Variants in FRMD4A observed in about 807,000 individuals in gnomAD.
FRMD4A encodes FERM domain containing 4A, also known as FERM domain-containing protein 4A.
In FRMD4A, 29 loss-of-function variants were observed where a neutral mutation model predicts 129.1. The ratio of observed to expected loss-of-function variants is 0.22; its 90% CI spans 0.17 to 0.31. The LOEUF (loss-of-function observed/expected upper bound fraction) is 0.31. FRMD4A is among the 10% of genes least tolerant of loss of function. The pLI is 1.00. For missense variants in FRMD4A, 1,272 were observed against 1,375.8 expected, an observed-to-expected ratio of 0.92 and a Z score of 1.19; for synonymous variants, 634 against 571.6, an observed-to-expected ratio of 1.11 and a Z score of -1.56.
chr10:14,290,029 C>T (rs900860506), intron 2 of FRMD4A, among the ~76,000 whole-genome samples: 28 of 151,888 alleles, frequency 1.8e-4, no homozygotes, highest in Admixed American at 6.6e-4. Context: ...AAATAAAATA[C>T]TAAGAAATAA....
At chr10:14,285,384 TG>T (rs1466099882) in intron 2 of FRMD4A, among the ~76,000 whole-genome samples, 2 of 152,202 alleles carry the variant, frequency 1.3e-5, no homozygotes, top group African/African-American at 4.8e-5. Flanking sequence ...AACACGAGCT[TG>T]AAAAGCAAAG....
intron 2 of FRMD4A, chr10:13,890,889 G>A: frequency 1.0e-6 from 1 of 981,488 alleles, no homozygotes; most frequent in Non-Finnish European, 1.2e-6. Flanking sequence ...AAATTTCGCA[G>A]AATACGCCTG....
chr10:13,831,346 G>A (rs2093787027), intron 3 of FRMD4A, among the ~76,000 whole-genome samples: 1 of 152,194 alleles, frequency 6.6e-6, no homozygotes, highest in Non-Finnish European at 1.5e-5. Flanking sequence ...ACTTTGGGAA[G>A]TTGAGGCAGG....
chr10:14,261,398 G>A (rs977649732), intron 2 of FRMD4A, among the ~76,000 whole-genome samples: 1 of 152,174 alleles, frequency 6.6e-6, no homozygotes, highest in Non-Finnish European at 1.5e-5. Context: ...TAACTAATCT[G>A]ACTGCTGTTG....
chr10:14,257,876 T>G (rs1168391903), intron 2 of FRMD4A, among the ~76,000 whole-genome samples: 2 of 152,224 alleles, frequency 1.3e-5, no homozygotes, highest in Non-Finnish European at 2.9e-5. Context: ...AGAAAACAAC[T>G]GTCTGCTGTG....
In FRMD4A at chr10:14,023,336, G is replaced by GA. The variant is rs112283737; in HGVS notation, c.46-164425dup. Among the ~76,000 whole-genome samples, 316 of 146,546 alleles carry GA rather than the reference G, an allele frequency of 2.2e-3. 1 individual carries two copies. Among genetic ancestry groups the GA allele is most frequent in the South Asian group, 0.011 (50 of 4,568 alleles). On this transcript the variant is annotated intron_variant, in intron 2 of 24. Coordinates refer to ENST00000357447, the MANE Select transcript of FRMD4A (RefSeq NM_018027.5). ...TGAAGACAAATTTTAAATTAATAAAGAAAAAAAAAAGCCTCAGACTCTCAC... is the reference window on the plus strand; with the variant it reads ...TGAAGACAAATTTTAAATTAATAAAGAAAAAAAAAAAGCCTCAGACTCTCAC...
intron 2 of FRMD4A, among the ~76,000 whole-genome samples, chr10:14,107,463 G>A (rs1361465159): frequency 6.6e-6 from 1 of 152,122 alleles, no homozygotes; most frequent in East Asian, 1.9e-4. Flanking sequence ...ATATTTAGGA[G>A]TTGTTTAAAG....
intron 2 of FRMD4A, among the ~76,000 whole-genome samples, chr10:14,320,799 A>G (rs536434887): frequency 6.6e-6 from 1 of 152,374 alleles, no homozygotes; most frequent in South Asian, 2.1e-4. Context: ...ATTACCAAAT[A>G]TATCGAGAAG....
intron 2 of FRMD4A, among the ~76,000 whole-genome samples, chr10:14,153,312 T>C (rs11258902): frequency 0.032 from 4,888 of 152,268 alleles, 94 homozygotes; most frequent in African/African-American, 0.037. Flanking sequence ...ATGCTAACTT[T>C]TGTGTTGCCT....
At chr10:13,953,670 C>T (rs1240049748) in intron 2 of FRMD4A, among the ~76,000 whole-genome samples, 1 of 152,120 alleles carries the variant, frequency 6.6e-6, no homozygotes, top group Non-Finnish European at 1.5e-5. Flanking sequence ...ACTTAATAGC[C>T]TCAAGCACAA....
intron 2 of FRMD4A, among the ~76,000 whole-genome samples, chr10:14,150,196 G>C (rs111505527): frequency 0.066 from 10,049 of 152,188 alleles, 431 homozygotes; most frequent in African/African-American, 0.11. Context: ...TTCAGTATGA[G>C]ATTTGGGTGG....
chr10:14,187,605 C>A (rs142126261), intron 2 of FRMD4A, among the ~76,000 whole-genome samples: 12 of 152,136 alleles, frequency 7.9e-5, no homozygotes, highest in African/African-American at 2.7e-4. Context: ...CATAGTGAGA[C>A]CCCGTCCCTA....
At chr10:14,143,537 TAGC>T (rs1224344666) in intron 2 of FRMD4A, among the ~76,000 whole-genome samples, 1 of 152,238 alleles carries the variant, frequency 6.6e-6, no homozygotes, top group Non-Finnish European at 1.5e-5. Flanking sequence ...GATGGGGTGA[TAGC>T]AGCGCAACAA....
chr10:14,092,850 T>C (rs949291963), intron 2 of FRMD4A, among the ~76,000 whole-genome samples: 4 of 152,190 alleles, frequency 2.6e-5, no homozygotes, highest in Non-Finnish European at 4.4e-5. Flanking sequence ...TAGGACTAGA[T>C]GAGGTCAACT....
In FRMD4A at chr10:13,737,758, T is replaced by G. The variant is rs1240539646; in HGVS notation, c.759+86A>C. 5 of 744,470 alleles carry G rather than the reference T, an allele frequency of 6.7e-6. No individual in the cohort carries two copies. The African/African-American group carries it at 7.0e-5, about 10-fold the overall frequency. 46.1% of individuals were successfully genotyped at this position (744,470 alleles called of 1,614,324 possible). ...GAGATTGGTGAGCCTTTAGGCTGCA[T>G]GGCGTTAGCATTTTTAAAGTGACTC... is the stretch of plus-strand genomic sequence containing the variant. On this transcript the variant is annotated intron_variant, in intron 12 of 24. Transcript: ENST00000357447.
chr10:14,141,249 G>T (rs2131842040), intron 2 of FRMD4A, among the ~76,000 whole-genome samples: 1 of 152,228 alleles, frequency 6.6e-6, no homozygotes, highest in East Asian at 1.9e-4. Context: ...TATCTACAGG[G>T]CACCCTGGAT....
chr10:13,934,972 G>A (rs1203422950), intron 2 of FRMD4A, among the ~76,000 whole-genome samples: 1 of 152,134 alleles, frequency 6.6e-6, no homozygotes, highest in Non-Finnish European at 1.5e-5. Flanking sequence ...GCACTTTCTT[G>A]TTGTGTTCTT....
intron 2 of FRMD4A, among the ~76,000 whole-genome samples, chr10:13,929,375 G>A (rs2095169135): frequency 6.6e-6 from 1 of 152,302 alleles, no homozygotes; most frequent in South Asian, 2.1e-4. Context: ...CACCCTTTGT[G>A]TCCACCTGGC....
intron 15 of FRMD4A, among the ~76,000 whole-genome samples, chr10:13,676,185 G>A (rs111597591): frequency 6.6e-6 from 1 of 152,076 alleles, no homozygotes; most frequent in Non-Finnish European, 1.5e-5. Context: ...TGAAGCTATT[G>A]TACTTTTTCT....
Sources: allele counts gnomAD v4.1 joint callset (sites outside exome capture counted in the v4.1 genomes callset), GRCh38; gene constraint gnomAD v4.1.1; transcripts MANE v1.5; gene names NCBI Gene and HGNC (gene_info 2026-07-23, HGNC 2026-07-21).